The following INPP5B variants were observed in gnomAD, a reference collection of about 807,000 sequenced individuals.
The protein encoded by INPP5B is type II inositol 1,4,5-trisphosphate 5-phosphatase.
In INPP5B, 90 loss-of-function variants were observed where a neutral mutation model predicts 118.5. The observed-to-expected ratio is 0.76, with a 90% CI of 0.64 to 0.90. INPP5B has a LOEUF of 0.90. Among genes scored for constraint, INPP5B ranks in the 40% least tolerant of loss-of-function variants. INPP5B has a pLI of 0.00. For missense variants in INPP5B, 984 were observed against 1,125.6 expected (o/e 0.87, Z 1.80); for synonymous variants, 385 against 418.9 (o/e 0.92, Z 0.99).
Position 37,873,738 on chromosome 1 carries a change from A to G in INPP5B, c.1951+255T>C, listed in dbSNP as rs138967362. Among the ~76,000 whole-genome samples the G allele has an allele frequency of 3.3e-4, 51 of 152,368 alleles. No homozygotes were observed. The East Asian group carries it at 9.4e-3, about 28-fold the overall frequency. The stretch of plus-strand genomic sequence containing the variant: ...GGTTCCTTTAACAGCAGCACCTGCT[A>G]TACAGCAATTTTATGTTTTCTCTTT... On this transcript the variant is annotated intron_variant, in intron 18 of 23. Transcript: ENST00000373024.
At chr1:37,880,525 C>T (rs916742462) in intron 14 of INPP5B, among the ~76,000 whole-genome samples, 1 of 151,872 alleles carries the variant, frequency 6.6e-6, no homozygotes, top group Non-Finnish European at 1.5e-5. Flanking sequence ...GCAACCTCCA[C>T]CTCCCAGGTT....
At chr1:37,917,508 G>T (rs1242079698) in intron 7 of INPP5B, among the ~76,000 whole-genome samples, 2 of 151,016 alleles carry the variant, frequency 1.3e-5, no homozygotes, top group Non-Finnish European at 3.0e-5. Context: ...ATTTTCAGTA[G>T]AGACATGGTT....
At chr1:37,864,291 C>A in intron 23 of INPP5B, 21 bp downstream of exon 23, 1 of 1,360,216 alleles carries the variant, frequency 7.4e-7, no homozygotes, top group South Asian at 1.2e-5. Context: ...AAATGCTTTC[C>A]ATAGACATTT....
intron 7 of INPP5B, among the ~76,000 whole-genome samples, chr1:37,914,265 G>A (rs1030681488): frequency 4.6e-5 from 7 of 152,152 alleles, no homozygotes; most frequent in African/African-American, 1.7e-4. Context: ...CTATGGAGTA[G>A]CCATTCTTTA....
chr1:37,934,091 G>A (rs931032948), intron 6 of INPP5B, among the ~76,000 whole-genome samples: 3 of 151,764 alleles, frequency 2.0e-5, no homozygotes, highest in Non-Finnish European at 4.4e-5. Context: ...ACGGCACCAC[G>A]CCTGGCTAAT....
intron 7 of INPP5B, among the ~76,000 whole-genome samples, chr1:37,893,110 T>TG (rs1643898147): frequency 7.3e-6 from 1 of 136,882 alleles, no homozygotes; most frequent in Non-Finnish European, 1.6e-5. Context: ...TTTTTTTTTT[T>TG]GGGACAGGGT....
rs1208554897 is a variant in INPP5B at position 37,876,829 on chromosome 1, G to A, written c.1678-1113C>T. 4.0e-5 allele frequency among the ~76,000 whole-genome samples: 6 copies of A among 151,664 alleles called. No individual in the cohort carries two copies. In the East Asian group the frequency reaches 7.8e-4, roughly 20 times the overall value. On this transcript the variant is annotated intron_variant, in intron 16 of 23. Transcript: ENST00000373024. ...TGGGAGGCGGAGCTTGCAGTGAGCCGAGATGGCGCCACTGCACTCCAGCCT... is the reference window on the plus strand; with the variant it reads ...TGGGAGGCGGAGCTTGCAGTGAGCCAAGATGGCGCCACTGCACTCCAGCCT...
At chr1:37,898,491 C>T (rs929158419) in intron 7 of INPP5B, among the ~76,000 whole-genome samples, 5 of 151,938 alleles carry the variant, frequency 3.3e-5, no homozygotes, top group African/African-American at 1.2e-4. Flanking sequence ...GTCAGGAAAT[C>T]GAGACTATCC....
intron 7 of INPP5B, among the ~76,000 whole-genome samples, chr1:37,915,833 G>C (rs945012283): frequency 6.6e-6 from 1 of 152,154 alleles, no homozygotes; most frequent in Admixed American, 6.5e-5. Context: ...TCAAAGACAC[G>C]TTATATTGAG....
chr1:37,934,198 G>T (rs1645601437), intron 6 of INPP5B, among the ~76,000 whole-genome samples: 1 of 152,090 alleles, frequency 6.6e-6, no homozygotes, highest in Non-Finnish European at 1.5e-5. Flanking sequence ...TCTCAAAAGT[G>T]CTGGGATTAC....
intron 23 of INPP5B, among the ~76,000 whole-genome samples, chr1:37,863,066 G>C (rs185105924): frequency 2.0e-5 from 3 of 152,188 alleles, no homozygotes; most frequent in Admixed American, 2.0e-4. Flanking sequence ...TTCCATGAGC[G>C]TGGTAGGGAT....
chr1:37,898,433 C>T (rs953660575), intron 7 of INPP5B, among the ~76,000 whole-genome samples: 7 of 152,158 alleles, frequency 4.6e-5, no homozygotes, highest in Admixed American at 1.3e-4. Flanking sequence ...CGGTGGCGCA[C>T]GCCTGTAATC....
At chr1:37,922,107 C>T (rs1341377678) in intron 7 of INPP5B, among the ~76,000 whole-genome samples, 1 of 152,144 alleles carries the variant, frequency 6.6e-6, no homozygotes, top group Non-Finnish European at 1.5e-5. Context: ...GAGGCTGAGG[C>T]AGGAGAACCA....
rs2148674073 is a variant in INPP5B at position 37,935,374 on chromosome 1, A to G, written c.392-3321T>C. 1.3e-5 allele frequency among the ~76,000 whole-genome samples: 2 copies of G among 150,768 alleles called. 1 individual carries two copies. Among genetic ancestry groups the G allele is most frequent in the South Asian group, 4.2e-4 (2 of 4,736 alleles). ...GCCTGGCTAATTTTTTTGTATTTTT[A>G]GTAGAGATGGGGTTTCACCATATTG... On this transcript the variant is annotated intron_variant, in intron 6 of 23. Coordinates refer to ENST00000373024, the MANE Select transcript of INPP5B (RefSeq NM_005540.3).
intron 6 of INPP5B, among the ~76,000 whole-genome samples, chr1:37,932,478 C>T (rs766596195): frequency 6.6e-6 from 1 of 150,474 alleles, no homozygotes. Flanking sequence ...AAGCGATTCT[C>T]CTGCCTCAGC....
chr1:37,919,934 T>G (rs1477327241), intron 7 of INPP5B, among the ~76,000 whole-genome samples: 4 of 152,092 alleles, frequency 2.6e-5, no homozygotes, highest in African/African-American at 9.7e-5. Context: ...ACAGCAAGAC[T>G]ACATCTTAAA....
intron 7 of INPP5B, among the ~76,000 whole-genome samples, chr1:37,928,185 T>TC (rs971684302): frequency 6.6e-6 from 1 of 151,974 alleles, no homozygotes; most frequent in Non-Finnish European, 1.5e-5. Flanking sequence ...CTTTTTTTTT[T>TC]CTGAGGGGAC....
Position 37,940,800 on chromosome 1 carries a change from T to G in INPP5B, c.281-2A>C, listed in dbSNP as rs757137262. The G allele has an allele frequency of 1.9e-6, 3 of 1,607,412 alleles. No individual in the cohort carries two copies. In the South Asian group the frequency reaches 3.3e-5, roughly 18 times the overall value. On this transcript the variant is annotated splice_acceptor_variant, in intron 5 of 23. Transcript: ENST00000373024. LOFTEE classifies it high-confidence loss of function. Reference sequence around the variant, plus strand: ...CCAGCTGGACGGTCACATCTGAGCCTGCACAAAGGAGGCAGGAAATGAACC... The same window carrying G: ...CCAGCTGGACGGTCACATCTGAGCCGGCACAAAGGAGGCAGGAAATGAACC...
At position 37,943,793 on chromosome 1, in the gene INPP5B, C is replaced by T. The variant is rs1471622672; in HGVS notation, c.250+3G>A. 1 of 1,613,878 alleles carries T rather than the reference C, an allele frequency of 6.2e-7. No individual in the cohort carries two copies. Among genetic ancestry groups the T allele is most frequent in the African/African-American group, 1.3e-5 (1 of 75,030 alleles). ...ATTCATACCACCCAGCCCCCTGTGGCACCTTCTTCCAGCGTAAAATCCCGC... is the reference window on the plus strand; with the variant it reads ...ATTCATACCACCCAGCCCCCTGTGGTACCTTCTTCCAGCGTAAAATCCCGC... On this transcript the variant is annotated splice_donor_region_variant and intron_variant, in intron 4 of 23. Coordinates refer to ENST00000373024, the MANE Select transcript of INPP5B (RefSeq NM_005540.3).
Sources: allele counts gnomAD v4.1 joint callset (sites outside exome capture counted in the v4.1 genomes callset), GRCh38; gene constraint gnomAD v4.1.1; transcripts MANE v1.5; gene names NCBI Gene and HGNC (gene_info 2026-07-23, HGNC 2026-07-21).